TBC1D19: variants seen among roughly 807,000 people sequenced by gnomAD.
TBC1D19 encodes TBC1 domain family member 19, also known as TBC1 domain family, member 19.
A neutral mutation model predicts 89.0 loss-of-function variants in TBC1D19; 60 were observed. The ratio of observed to expected loss-of-function variants is 0.67; its 90% confidence interval spans 0.55 to 0.84. The LOEUF is 0.84. TBC1D19 is among the 40% of genes least tolerant of loss of function. The probability of loss-of-function intolerance (pLI) is 0.00; values close to 1 mark genes in which losing one functional copy is unlikely to be tolerated. For missense variants in TBC1D19, 500 were observed against 610.8 expected, an observed-to-expected ratio of 0.82 and a Z score of 1.91; for synonymous variants, 189 against 199.7, an observed-to-expected ratio of 0.95 and a Z score of 0.45.
chr4:26,730,906 G>A (rs1717622025), intron 15 of TBC1D19, among the ~76,000 whole-genome samples: 1 of 152,178 alleles, frequency 6.6e-6, no homozygotes, highest in Non-Finnish European at 1.5e-5. Flanking sequence ...GGAGCCTTTG[G>A]GCTCAGAATT....
At chr4:26,620,042 C>A (rs1275951163) in intron 3 of TBC1D19, among the ~76,000 whole-genome samples, 1 of 152,176 alleles carries the variant, frequency 6.6e-6, no homozygotes, top group Admixed American at 6.6e-5. Context: ...TGTCTTCCTA[C>A]TGCCTTTTCT....
chr4:26,595,029 T>C (rs1577766333), intron 1 of TBC1D19, among the ~76,000 whole-genome samples: 1 of 152,230 alleles, frequency 6.6e-6, no homozygotes, highest in Non-Finnish European at 1.5e-5. Context: ...TGTCTTCCAA[T>C]GAGGCTGTGC....
intron 12 of TBC1D19, among the ~76,000 whole-genome samples, chr4:26,685,669 G>T (rs1207048533): frequency 6.6e-6 from 1 of 152,174 alleles, no homozygotes; most frequent in Non-Finnish European, 1.5e-5. Flanking sequence ...AGAGTTTAGA[G>T]GATACAGTCC....
chr4:26,671,724 G>A (rs887480629), intron 9 of TBC1D19, among the ~76,000 whole-genome samples: 3 of 151,708 alleles, frequency 2.0e-5, no homozygotes, highest in Non-Finnish European at 4.4e-5. Context: ...TGTAAATGAA[G>A]CTGTCAATAA....
At chr4:26,733,991 A>C (rs1222221825) in intron 15 of TBC1D19, among the ~76,000 whole-genome samples, 1 of 152,214 alleles carries the variant, frequency 6.6e-6, no homozygotes, top group Non-Finnish European at 1.5e-5. Context: ...GAAGAAATTC[A>C]TGAAGTCTTG....
At chr4:26,681,151 T>C (rs1713301928) in intron 11 of TBC1D19, among the ~76,000 whole-genome samples, 2 of 152,096 alleles carry the variant, frequency 1.3e-5, no homozygotes, top group South Asian at 4.1e-4. Flanking sequence ...AAGAGGTGAG[T>C]ACATAGATAA....
At chr4:26,837,292 C>T in the TBC1D19 span, among the ~76,000 whole-genome samples, 1 of 151,926 alleles carries the variant, frequency 6.6e-6, no homozygotes, top group African/African-American at 2.4e-5. Flanking sequence ...GGGAGATGGG[C>T]ATGGAGAAGA....
chr4:26,671,372 G>A (rs1014427550), intron 9 of TBC1D19, among the ~76,000 whole-genome samples: 27 of 151,648 alleles, frequency 1.8e-4, no homozygotes, highest in African/African-American at 7.3e-5. Flanking sequence ...TTGCCTGTTC[G>A]TGTCTGAGAG....
At chr4:26,690,875 A>T (rs555668815) in intron 13 of TBC1D19, among the ~76,000 whole-genome samples, 9 of 152,360 alleles carry the variant, frequency 5.9e-5, no homozygotes, top group Non-Finnish European at 5.9e-5. Context: ...AATCTTATTT[A>T]AGAAATACAT....
chr4:26,679,038 T>C (rs1713097166), intron 11 of TBC1D19, among the ~76,000 whole-genome samples: 1 of 152,184 alleles, frequency 6.6e-6, no homozygotes, highest in Non-Finnish European at 1.5e-5. Flanking sequence ...ATTTGCAGCC[T>C]GACAATGTGG....
intron 11 of TBC1D19, among the ~76,000 whole-genome samples, chr4:26,682,011 T>A (rs778117794): frequency 3.3e-5 from 5 of 152,208 alleles, no homozygotes; most frequent in Non-Finnish European, 7.4e-5. Flanking sequence ...TTGGGACAGT[T>A]GAATGGAAGG....
intron 19 of TBC1D19, 138 bp from the exon 20 acceptor site, chr4:26,753,682 C>T: frequency 1.3e-6 from 1 of 766,222 alleles, no homozygotes. Flanking sequence ...GACCTTAATT[C>T]AGAATGCGGG....
chr4:26,645,116 G>A (rs1743825022), intron 7 of TBC1D19, among the ~76,000 whole-genome samples: 1 of 152,168 alleles, frequency 6.6e-6, no homozygotes, highest in Non-Finnish European at 1.5e-5. Context: ...TCCCCATCAA[G>A]CTACCACTGA....
chr4:26,793,160 G>A, the TBC1D19 span, among the ~76,000 whole-genome samples: 2 of 152,142 alleles, frequency 1.3e-5, no homozygotes, highest in African/African-American at 4.8e-5. Flanking sequence ...GAGGAAGTCA[G>A]GAACAGTGAG....
chr4:26,815,137 CTG>C, the TBC1D19 span, among the ~76,000 whole-genome samples: 1 of 152,226 alleles, frequency 6.6e-6, no homozygotes, highest in African/African-American at 2.4e-5. Flanking sequence ...CATCCCAACA[CTG>C]TGTCAAACAG....
At chr4:26,758,919 G>A (rs956126474), downstream of TBC1D19, among the ~76,000 whole-genome samples, 3 of 152,216 alleles carry the variant, frequency 2.0e-5, no homozygotes, top group Non-Finnish European at 4.4e-5. Flanking sequence ...ACACAACCAT[G>A]ACCTTACAAG....
intron 10 of TBC1D19, among the ~76,000 whole-genome samples, chr4:26,673,446 T>TACACACAC (rs61054571): frequency 7.3e-4 from 66 of 90,858 alleles, no homozygotes; most frequent in African/African-American, 1.5e-3. Flanking sequence ...TATATATATA[T>TACACACAC]ACACACACAC....
chr4:26,670,087 C>T (rs927007741), intron 9 of TBC1D19, among the ~76,000 whole-genome samples: 10 of 151,772 alleles, frequency 6.6e-5, no homozygotes, highest in Non-Finnish European at 1.3e-4. Flanking sequence ...TGCAGTATTA[C>T]ATCTGCTGTT....
At chr4:26,632,839 T>C (rs911860271) in intron 4 of TBC1D19, among the ~76,000 whole-genome samples, 1 of 152,142 alleles carries the variant, frequency 6.6e-6, no homozygotes, top group African/African-American at 2.4e-5. Flanking sequence ...GATTGTCTAA[T>C]GTCAATTTGT....
Sources: allele counts gnomAD v4.1 joint callset (sites outside exome capture counted in the v4.1 genomes callset), GRCh38; gene constraint gnomAD v4.1.1; transcripts MANE v1.5; gene names NCBI Gene and HGNC (gene_info 2026-07-23, HGNC 2026-07-21).